CD96: variants seen among roughly 807,000 people sequenced by gnomAD.
CD96 encodes T-cell surface protein tactile.
A neutral mutation model predicts 71.3 loss-of-function variants in CD96; 70 were observed. The observed-to-expected ratio is 0.98, with a 90% confidence interval of 0.81 to 1.20. The LOEUF is 1.20. Among genes scored for constraint, CD96 ranks in the 50% most tolerant of loss-of-function variants. The pLI, the probability that CD96 is intolerant of heterozygous loss-of-function variation, is 0.00. For missense variants in CD96, 742 were observed against 677.5 expected (o/e 1.10, Z -1.06); for synonymous variants, 248 against 233.0 (o/e 1.06, Z -0.59).
At chr3:111,566,224 C>T (rs185822735) in intron 2 of CD96, among the ~76,000 whole-genome samples, 86 of 151,740 alleles carry the variant, frequency 5.7e-4, no homozygotes, top group African/African-American at 2.0e-3. Flanking sequence ...AATGTTCATA[C>T]TCAATGATCC....
intron 8 of CD96, among the ~76,000 whole-genome samples, chr3:111,608,834 C>T (rs1937759846): frequency 6.6e-6 from 1 of 152,032 alleles, no homozygotes. Context: ...TTATTTAATG[C>T]TAAAGAAAAA....
At position 111,642,434 on chromosome 3, in the gene CD96, G is replaced by A. The variant is rs1163780476; in HGVS notation, c.1477+4266G>A. On this transcript the variant is annotated intron_variant, in intron 12 of 13. Transcript: ENST00000352690. ...TTTCTGGAAAAATACAACCCACCCAGCTTAAATCAGGAAAAATTAGATACC... is the reference window on the plus strand; with the variant it reads ...TTTCTGGAAAAATACAACCCACCCAACTTAAATCAGGAAAAATTAGATACC... 2.0e-5 allele frequency among the ~76,000 whole-genome samples: 3 copies of A among 152,120 alleles called. No homozygotes were observed. In the East Asian group the frequency reaches 5.8e-4, roughly 29 times the overall value.
intron 5 of CD96, among the ~76,000 whole-genome samples, chr3:111,589,935 A>G (rs958130483): frequency 1.3e-5 from 2 of 152,232 alleles, no homozygotes; most frequent in African/African-American, 4.8e-5. Context: ...TAAAACTGGA[A>G]TAATAACAAA....
chr3:111,563,988 A>G (rs1417946987), intron 2 of CD96, among the ~76,000 whole-genome samples: 1 of 152,188 alleles, frequency 6.6e-6, no homozygotes, highest in Non-Finnish European at 1.5e-5. Flanking sequence ...TTCCCTGAGT[A>G]TATTAACTAT....
chr3:111,571,651 A>G (rs772185122), intron 3 of CD96, among the ~76,000 whole-genome samples: 17 of 152,200 alleles, frequency 1.1e-4, no homozygotes, highest in Non-Finnish European at 2.1e-4. Flanking sequence ...GATACCAACA[A>G]CTTGAAGAAT....
intron 2 of CD96, among the ~76,000 whole-genome samples, chr3:111,553,434 C>CTTTTTTT (rs34837219): frequency 9.5e-5 from 11 of 115,184 alleles, no homozygotes; most frequent in Non-Finnish European, 1.1e-4. Context: ...TTTCTTTTTT[C>CTTTTTTT]TTTTTTTTTT....
intron 10 of CD96, among the ~76,000 whole-genome samples, chr3:111,630,503 G>A (rs1228275348): frequency 6.6e-6 from 1 of 152,172 alleles, no homozygotes; most frequent in East Asian, 1.9e-4. Context: ...TTCTGAAATT[G>A]AGACAGTAAT....
chr3:111,634,328 G>C (rs1476704814), intron 10 of CD96: 1 of 152,134 alleles, frequency 6.6e-6, no homozygotes, highest in East Asian at 1.9e-4. Flanking sequence ...GAAATTTAAA[G>C]AAATCGTGGA....
intron 8 of CD96, among the ~76,000 whole-genome samples, chr3:111,610,962 G>A (rs1408402535): frequency 6.6e-6 from 1 of 152,150 alleles, no homozygotes; most frequent in Non-Finnish European, 1.5e-5. Context: ...GACTTTTGAG[G>A]TACAGGATAC....
At chr3:111,584,596 G>T (rs1194896477) in intron 4 of CD96, among the ~76,000 whole-genome samples, 2 of 152,160 alleles carry the variant, frequency 1.3e-5, no homozygotes, top group East Asian at 3.8e-4. Flanking sequence ...GTGGTGAAAG[G>T]TACTTCTTAC....
At chr3:111,636,623 T>C (rs1394587584) in intron 10 of CD96, among the ~76,000 whole-genome samples, 1 of 152,160 alleles carries the variant, frequency 6.6e-6, no homozygotes, top group East Asian at 1.9e-4. Flanking sequence ...TGCCATCCAC[T>C]CAAGGGGAAG....
Position 111,600,770 on chromosome 3 carries a change from T to C in CD96, c.943T>C (p.Leu315=). 3 of 1,613,788 alleles carry C rather than the reference T, an allele frequency of 1.9e-6. No homozygotes were observed. Among genetic ancestry groups the C allele is most frequent in the Non-Finnish European group, 2.5e-6 (3 of 1,179,676 alleles). ...AGAGAGAAAAGGCAAAGATGGATTT[T>C]TGGAACTGAAGTCTGTTTTAACAAG... The part of the protein sequence containing the change: ...NEERKGKDGF[L]ELKSVLTRVH... The change falls in exon 7 of 14, where the codon TTG becomes CTG. Residue 315 remains leucine, a synonymous_variant. Coordinates refer to ENST00000352690, the MANE Select transcript of CD96 (RefSeq NM_005816.5).
chr3:111,548,732 T>C (rs1223376424), intron 2 of CD96, among the ~76,000 whole-genome samples: 3 of 152,190 alleles, frequency 2.0e-5, no homozygotes, highest in Non-Finnish European at 2.9e-5. Flanking sequence ...GGAGAAGTCA[T>C]GGTCCTGGAA....
At chr3:111,568,042 T>G (rs16858280) in intron 3 of CD96, among the ~76,000 whole-genome samples, 3,148 of 152,254 alleles carry the variant, frequency 0.021, 114 homozygotes, top group East Asian at 0.15. Flanking sequence ...AAACACTTAT[T>G]ACTACATCCT....
intron 5 of CD96, among the ~76,000 whole-genome samples, chr3:111,597,423 T>C (rs564129259): frequency 1.1e-4 from 17 of 152,338 alleles, no homozygotes; most frequent in African/African-American, 4.1e-4. Flanking sequence ...TTTATTTCAA[T>C]ACAATTTTTA....
chr3:111,571,726 T>C (rs1935994422), intron 3 of CD96, among the ~76,000 whole-genome samples: 1 of 152,216 alleles, frequency 6.6e-6, no homozygotes, highest in Non-Finnish European at 1.5e-5. Flanking sequence ...TAAAATCCTA[T>C]GGTACATTTC....
At chr3:111,573,099 C>T (rs9865195) in intron 3 of CD96, among the ~76,000 whole-genome samples, 102,688 of 152,076 alleles carry the variant, frequency 0.68, 34,798 homozygotes, top group Non-Finnish European at 0.69. Flanking sequence ...AATATGTGTA[C>T]TTAGATGGGA....
intron 10 of CD96, among the ~76,000 whole-genome samples, chr3:111,635,468 A>C (rs1044274728): frequency 6.6e-6 from 1 of 152,198 alleles, no homozygotes; most frequent in Non-Finnish European, 1.5e-5. Context: ...AGTTTCATGA[A>C]ATTACAAAAA....
Position 111,632,842 on chromosome 3 carries a change from T to C in CD96, c.1322-4354T>C, listed in dbSNP as rs140703045. On this transcript the variant is annotated intron_variant, in intron 10 of 13. Coordinates refer to ENST00000352690, the MANE Select transcript of CD96 (RefSeq NM_005816.5). The stretch of plus-strand genomic sequence containing the variant: ...CAGGGACATGGATGGAGTTGGAATC[T>C]GTTATTTTCAGCAAACTAATGCAGG... 2.8e-4 allele frequency among the ~76,000 whole-genome samples: 43 copies of C among 152,326 alleles called. No homozygotes were observed. In the East Asian group the frequency reaches 7.7e-3, roughly 27 times the overall value.
Sources: allele counts gnomAD v4.1 joint callset (sites outside exome capture counted in the v4.1 genomes callset), GRCh38; gene constraint gnomAD v4.1.1; transcripts MANE v1.5; gene names NCBI Gene and HGNC (gene_info 2026-07-23, HGNC 2026-07-21).